Variants in EML4 observed in about 807,000 individuals in gnomAD.
The protein encoded by EML4 is echinoderm microtubule-associated protein-like 4.
A neutral mutation model predicts 129.0 loss-of-function variants in EML4; 72 were observed. That is an observed-to-expected ratio of 0.56 (90% CI 0.46 to 0.68). The LOEUF is 0.68. Among genes scored for constraint, EML4 ranks in the 30% least tolerant of loss-of-function variants. The pLI is 0.00. For synonymous variants in EML4, 532 were observed against 405.0 expected, an observed-to-expected ratio of 1.31 and a Z score of -3.77; for missense variants, 1,363 against 1,190.6, an observed-to-expected ratio of 1.14 and a Z score of -2.13.
chr2:42,244,481 C>G (rs1675257106), intron 1 of EML4, among the ~76,000 whole-genome samples: 1 of 152,114 alleles, frequency 6.6e-6, no homozygotes, highest in Admixed American at 6.5e-5. Context: ...CTTTGCAAGT[C>G]CTTTGTAATT....
intron 11 of EML4, chr2:42,289,165 T>C (rs562378647): frequency 1.9e-4 from 29 of 152,322 alleles, no homozygotes; most frequent in African/African-American, 6.3e-4. Context: ...CCTCAAACTT[T>C]AAAAAACATA....
intron 1 of EML4, among the ~76,000 whole-genome samples, chr2:42,174,522 C>G (rs1558472663): frequency 6.6e-6 from 1 of 152,076 alleles, no homozygotes; most frequent in Non-Finnish European, 1.5e-5. Flanking sequence ...AACCCCTGAC[C>G]TCGGGTGATG....
At chr2:42,201,198 A>T (rs945381749) in intron 1 of EML4, among the ~76,000 whole-genome samples, 1 of 152,226 alleles carries the variant, frequency 6.6e-6, no homozygotes, top group East Asian at 1.9e-4. Flanking sequence ...AAATCTAGCT[A>T]TTAAGTAAAT....
At chr2:42,290,470 T>C (rs1466033250) in intron 11 of EML4, among the ~76,000 whole-genome samples, 2 of 151,552 alleles carry the variant, frequency 1.3e-5, no homozygotes, top group African/African-American at 4.9e-5. Context: ...CTCACGCCTA[T>C]AATCCGAGTA....
chr2:42,283,888 A>C (rs1223710676), intron 8 of EML4, among the ~76,000 whole-genome samples: 3 of 152,224 alleles, frequency 2.0e-5, no homozygotes, highest in Non-Finnish European at 4.4e-5. Context: ...TAATATGTAA[A>C]TATCCCTCTG....
chr2:42,241,754 T>G (rs1362150522), intron 1 of EML4, among the ~76,000 whole-genome samples: 4 of 151,970 alleles, frequency 2.6e-5, no homozygotes, highest in Non-Finnish European at 5.9e-5. Flanking sequence ...AAGGTGAGAG[T>G]CAAAAGACTT....
chr2:42,201,866 G>A (rs1198293450), intron 1 of EML4, among the ~76,000 whole-genome samples: 2 of 152,198 alleles, frequency 1.3e-5, no homozygotes, highest in Non-Finnish European at 1.5e-5. Flanking sequence ...CAGATCACTT[G>A]AGGCCAGGAG....
intron 7 of EML4, among the ~76,000 whole-genome samples, 179 bp downstream of exon 7, chr2:42,281,152 G>C (rs750160385): frequency 1.3e-5 from 2 of 152,090 alleles, no homozygotes; most frequent in Admixed American, 6.6e-5. Context: ...CTAGCACTTT[G>C]GGAGGCCGAG....
At chr2:42,221,043 G>A (rs1673559332) in intron 1 of EML4, among the ~76,000 whole-genome samples, 1 of 152,174 alleles carries the variant, frequency 6.6e-6, no homozygotes, top group Non-Finnish European at 1.5e-5. Flanking sequence ...AAAGTGCAAG[G>A]TGAAGCAGCA....
Position 42,232,793 on chromosome 2 carries a change from C to T in EML4, c.26-12712C>T, listed in dbSNP as rs550642154. Among the ~76,000 whole-genome samples the T allele has an allele frequency of 3.2e-4, 48 of 152,114 alleles. 1 individual carries two copies. The highest frequency in any genetic ancestry group is 1.1e-3 in the African/African-American group (45 of 41,502). On this transcript the variant is annotated intron_variant, in intron 1 of 22. Transcript: ENST00000318522. ...GGCTGGAGTGCAGTGGCACGGATTT[C>T]GGCTCACTGCAAGCTCCGCCTCCCG...
At chr2:42,241,349 A>T (rs549386245) in intron 1 of EML4, among the ~76,000 whole-genome samples, 1 of 152,172 alleles carries the variant, frequency 6.6e-6, no homozygotes, top group Non-Finnish European at 1.5e-5. Context: ...TTACATTGCC[A>T]TTGCTTGTTG....
chr2:42,199,535 A>G (rs1672095485), intron 1 of EML4, among the ~76,000 whole-genome samples: 1 of 152,184 alleles, frequency 6.6e-6, no homozygotes, highest in South Asian at 2.1e-4. Context: ...AAGACAGGAC[A>G]ATGCTGTTAT....
intron 21 of EML4, 84 bp from the exon 22 acceptor site, chr2:42,328,802 T>C: frequency 4.4e-6 from 5 of 1,135,734 alleles, no homozygotes; most frequent in Non-Finnish European, 6.1e-6. Context: ...GCTAAACAGA[T>C]TCTAAAATAA....
intron 1 of EML4, among the ~76,000 whole-genome samples, chr2:42,203,321 C>T (rs151138965): frequency 1.9e-3 from 292 of 152,266 alleles, no homozygotes; most frequent in African/African-American, 6.8e-3. Flanking sequence ...GTTTATCTTT[C>T]CATCTGTGGT....
Position 42,330,403 on chromosome 2 carries a change from A to C in EML4, c.*196A>C, listed in dbSNP as rs1670044663. 9.1e-6 allele frequency: 6 copies of C among 660,304 alleles called. No individual in the cohort carries two copies. The South Asian group carries it at 1.0e-4, about 11-fold the overall frequency. 40.9% of individuals were successfully genotyped at this position (660,304 alleles called of 1,614,324 possible). On this transcript the variant is annotated 3_prime_UTR_variant, in exon 23 of 23. Transcript: ENST00000318522. ...AAAGTTTTAGTTTGGTGTTTATTGAAAATTAACCAAACTTAATACTAGGAG... is the reference window on the plus strand; with the variant it reads ...AAAGTTTTAGTTTGGTGTTTATTGACAATTAACCAAACTTAATACTAGGAG...
intron 18 of EML4, among the ~76,000 whole-genome samples, chr2:42,317,197 C>G (rs557390134): frequency 6.6e-6 from 1 of 152,292 alleles, no homozygotes; most frequent in South Asian, 2.1e-4. Context: ...TTTCAACTAA[C>G]TAGAAGATGA....
At chr2:42,244,307 C>T (rs1675240312) in intron 1 of EML4, among the ~76,000 whole-genome samples, 1 of 151,978 alleles carries the variant, frequency 6.6e-6, no homozygotes, top group Admixed American at 6.6e-5. Context: ...CCTTGTTGGC[C>T]AGGATGGTCT....
At chr2:42,284,013 C>G (rs1383154526) in intron 8 of EML4, among the ~76,000 whole-genome samples, 1 of 152,196 alleles carries the variant, frequency 6.6e-6, no homozygotes, top group Non-Finnish European at 1.5e-5. Flanking sequence ...TTGCTAGTCA[C>G]TCATATACGT....
intron 8 of EML4, among the ~76,000 whole-genome samples, chr2:42,284,139 C>A (rs1225517059): frequency 6.6e-6 from 1 of 152,138 alleles, no homozygotes; most frequent in Non-Finnish European, 1.5e-5. Flanking sequence ...AGATTGAAAG[C>A]ACTATGTGTG....
Sources: allele counts gnomAD v4.1 joint callset (sites outside exome capture counted in the v4.1 genomes callset), GRCh38; gene constraint gnomAD v4.1.1; transcripts MANE v1.5; gene names NCBI Gene and HGNC (gene_info 2026-07-23, HGNC 2026-07-21).